PITPNC1: variants seen among roughly 807,000 people sequenced by gnomAD.
PITPNC1 encodes phosphatidylinositol transfer protein cytoplasmic 1, also known as cytoplasmic phosphatidylinositol transfer protein 1.
A neutral mutation model predicts 44.7 loss-of-function variants in PITPNC1; 18 were observed. The ratio of observed to expected loss-of-function variants is 0.40; its 90% CI spans 0.28 to 0.60. The LOEUF is 0.60. PITPNC1 is among the 20% of genes least tolerant of loss of function. The pLI is 0.39. For missense variants in PITPNC1, 290 were observed against 418.4 expected, an observed-to-expected ratio of 0.69 and a Z score of 2.68; for synonymous variants, 141 against 149.6, an observed-to-expected ratio of 0.94 and a Z score of 0.42.
chr17:67,651,836 T>G (rs528215970), intron 6 of PITPNC1, among the ~76,000 whole-genome samples: 3 of 152,304 alleles, frequency 2.0e-5, no homozygotes, highest in African/African-American at 7.2e-5. Context: ...CTTTGAAAGC[T>G]CCTTGGTTTT....
rs1366904594 is a variant in PITPNC1 at position 67,495,048 on chromosome 17, TTTTG to T, written c.49-37750_49-37747del. On this transcript the variant is annotated intron_variant, in intron 1 of 8. Transcript: ENST00000581322. ...TATTGAGCCATGGAGTTGTTTTTTT[TTTTG>T]TTTTTTTTTTTTTTTTTTTTTTGAG... Among the ~76,000 whole-genome samples, 396 of 62,748 alleles carry T rather than the reference TTTTG, an allele frequency of 6.3e-3. 34 individuals are homozygous for T. The highest frequency in any genetic ancestry group is 0.023 in the African/African-American group (340 of 15,022). 41.2% of individuals were successfully genotyped at this position (62,748 alleles called of 152,430 possible).
chr17:67,380,652 C>T (rs764580889), intron 1 of PITPNC1, among the ~76,000 whole-genome samples: 8 of 152,166 alleles, frequency 5.3e-5, no homozygotes, highest in Non-Finnish European at 1.0e-4. Context: ...AGAGTCAGAA[C>T]TGATAGTAAA....
chr17:67,645,670 T>A (rs565605705), intron 6 of PITPNC1, among the ~76,000 whole-genome samples: 1 of 152,340 alleles, frequency 6.6e-6, no homozygotes, highest in South Asian at 2.1e-4. Context: ...AATTTTGTTC[T>A]GTCTGTTGGG....
At chr17:67,584,055 C>G (rs1407619537) in intron 5 of PITPNC1, among the ~76,000 whole-genome samples, 3 of 151,972 alleles carry the variant, frequency 2.0e-5, no homozygotes, top group Non-Finnish European at 4.4e-5. Flanking sequence ...GGGATTTTTA[C>G]AGTTCCCCCA....
At chr17:67,425,350 C>G (rs990892432) in intron 1 of PITPNC1, among the ~76,000 whole-genome samples, 1 of 151,318 alleles carries the variant, frequency 6.6e-6, no homozygotes, top group African/African-American at 2.4e-5. Context: ...ATGGTCACAG[C>G]TTATTCAAGT....
At chr17:67,671,007 G>A (rs932997619) in intron 7 of PITPNC1, among the ~76,000 whole-genome samples, 3 of 152,112 alleles carry the variant, frequency 2.0e-5, no homozygotes, top group South Asian at 2.1e-4. Flanking sequence ...TCAGCCTCCC[G>A]AGTAGCTGGG....
intron 1 of PITPNC1, among the ~76,000 whole-genome samples, chr17:67,469,508 T>G (rs1396205475): frequency 6.6e-6 from 1 of 152,196 alleles, no homozygotes; most frequent in Non-Finnish European, 1.5e-5. Flanking sequence ...AAGCCTGGTC[T>G]CGGTTACCTC....
At chr17:67,665,961 C>A (rs1003261888) in intron 6 of PITPNC1, among the ~76,000 whole-genome samples, 12 of 152,014 alleles carry the variant, frequency 7.9e-5, no homozygotes, top group African/African-American at 2.9e-4. Flanking sequence ...TTGCCTCAGC[C>A]TCCCTAGTAG....
chr17:67,506,987 A>G (rs1211786577), intron 1 of PITPNC1, among the ~76,000 whole-genome samples: 2 of 152,146 alleles, frequency 1.3e-5, no homozygotes, highest in Non-Finnish European at 2.9e-5. Context: ...ATGAAAACAA[A>G]TCGATGCTAT....
At chr17:67,528,447 T>G (rs1319519100) in intron 1 of PITPNC1, among the ~76,000 whole-genome samples, 1 of 152,370 alleles carries the variant, frequency 6.6e-6, no homozygotes, top group African/African-American at 2.4e-5. Context: ...TCATCATCAA[T>G]TCTACGATCA....
chr17:67,610,635 A>T (rs866178432), intron 5 of PITPNC1, among the ~76,000 whole-genome samples: 1 of 152,086 alleles, frequency 6.6e-6, no homozygotes, highest in Middle Eastern at 3.2e-3. Context: ...TAAAAATACA[A>T]ACATTAGCCG....
At chr17:67,474,104 G>C (rs2039591273) in intron 1 of PITPNC1, among the ~76,000 whole-genome samples, 1 of 152,154 alleles carries the variant, frequency 6.6e-6, no homozygotes, top group South Asian at 2.1e-4. Flanking sequence ...GGGAGGAGGA[G>C]CATAGATGCT....
chr17:67,640,079 C>CTT (rs112006423), intron 6 of PITPNC1, among the ~76,000 whole-genome samples: 24 of 148,814 alleles, frequency 1.6e-4, no homozygotes, highest in Non-Finnish European at 2.7e-4. Flanking sequence ...CTGTTATTAT[C>CTT]TTTTTTTTTT....
intron 5 of PITPNC1, among the ~76,000 whole-genome samples, chr17:67,619,607 T>A (rs2706699): frequency 0.035 from 5,319 of 152,192 alleles, 210 homozygotes; most frequent in African/African-American, 0.09. Flanking sequence ...AAGGACAACA[T>A]GCACAGTGCC....
intron 8 of PITPNC1, among the ~76,000 whole-genome samples, chr17:67,679,163 G>A (rs937544279): frequency 1.3e-5 from 2 of 152,220 alleles, no homozygotes; most frequent in Non-Finnish European, 2.9e-5. Flanking sequence ...CCGTTTAATT[G>A]ATTCAATCCA....
At position 67,645,932 on chromosome 17, in the gene PITPNC1, C is replaced by T. The variant is rs1231817454; in HGVS notation, c.462+13694C>T. On this transcript the variant is annotated intron_variant, in intron 6 of 8. Transcript: ENST00000581322. The stretch of plus-strand genomic sequence containing the variant: ...TTGAGGCCAAGAGTTCGAGACCAGC[C>T]TGGCCAACCTGGCAAAAGCCTGTCT... Among the ~76,000 whole-genome samples, 3 of 152,200 alleles carry T rather than the reference C, an allele frequency of 2.0e-5. No individual in the cohort carries two copies. In the East Asian group the frequency reaches 5.8e-4, roughly 29 times the overall value.
chr17:67,564,161 GTGGATGGATGGATGGATGGA>G (rs113903369), intron 4 of PITPNC1, among the ~76,000 whole-genome samples: 17 of 148,440 alleles, frequency 1.1e-4, no homozygotes, highest in African/African-American at 3.2e-4. Context: ...GGTAGATTGG[GTGGATGGATGGATGGATGGA>G]TGGATGGATG....
chr17:67,421,338 A>T (rs1018311867), intron 1 of PITPNC1, among the ~76,000 whole-genome samples: 3 of 152,072 alleles, frequency 2.0e-5, no homozygotes, highest in Non-Finnish European at 4.4e-5. Context: ...GCTGGAGTGC[A>T]ATGGTGTGAT....
chr17:67,403,146 G>A (rs1216301739), intron 1 of PITPNC1, among the ~76,000 whole-genome samples: 2 of 148,446 alleles, frequency 1.3e-5, no homozygotes, highest in African/African-American at 2.5e-5. Context: ...ATCCCAAGGG[G>A]CCAAGGCGGG....
Sources: allele counts gnomAD v4.1 joint callset (sites outside exome capture counted in the v4.1 genomes callset), GRCh38; gene constraint gnomAD v4.1.1; transcripts MANE v1.5; gene names NCBI Gene and HGNC (gene_info 2026-07-23, HGNC 2026-07-21).